GUCY2D: variants seen among roughly 807,000 people sequenced by gnomAD.
GUCY2D encodes retinal guanylyl cyclase 1.
A neutral mutation model predicts 101.3 loss-of-function variants in GUCY2D; 70 were observed. The observed-to-expected ratio is 0.69, with a 90% confidence interval of 0.57 to 0.84. The LOEUF (loss-of-function observed/expected upper bound fraction) is 0.84. GUCY2D is among the 40% of genes least tolerant of loss of function. The probability of loss-of-function intolerance (pLI) is 0.00; values close to 1 mark genes in which losing one functional copy is unlikely to be tolerated. For synonymous variants in GUCY2D, 688 were observed against 670.7 expected, an observed-to-expected ratio of 1.03 and a Z score of -0.40; for missense variants, 1,460 against 1,542.5, an observed-to-expected ratio of 0.95 and a Z score of 0.90.
chr17:8,006,039 T>G (rs1369727440), intron 3 of GUCY2D, among the ~76,000 whole-genome samples: 1 of 151,510 alleles, frequency 6.6e-6, no homozygotes, highest in Non-Finnish European at 1.5e-5. Flanking sequence ...GACCTACAGG[T>G]GATGGAGAAT....
chr17:8,013,074 C>A lies in GUCY2D; in HGVS notation c.2114-29C>A. The A allele has an allele frequency of 6.2e-7, 1 of 1,602,508 alleles. No homozygotes were observed. The highest frequency in any genetic ancestry group is 1.7e-5 in the Admixed American group (1 of 59,872). The stretch of plus-strand genomic sequence containing the variant: ...GGTGAGGGTGGGAGTCTTTCCCCAG[C>A]GGCGCCTCAGCCCCTTCCCCATCCC... On this transcript the variant is annotated intron_variant, in intron 10 of 19. Transcript: ENST00000254854. This position sits in a 1 kb window ranked among gnomAD's most constrained non-coding sequence, Gnocchi z 5.0.
At chr17:8,012,395 G>A (rs772504493) in intron 9 of GUCY2D, 45 bp downstream of exon 9, 1 of 1,611,036 alleles carries the variant, frequency 6.2e-7, no homozygotes, top group Non-Finnish European at 8.5e-7. Flanking sequence ...GGGCAGGGAT[G>A]GGGAGCAAGG....
Position 8,003,504 on chromosome 17 carries a change from C to T in GUCY2D, c.457C>T (p.Pro153Ser). ...GATCGCGCTGGTGCCCTGGGGCTGC[C>T]CCTGGACGCAGGCGGAGGGCACCAC... ...AGIALVPWGC[P>S]WTQAEGTTAP... Residue 153 changes from proline to serine, a missense_variant, in exon 2 of 20, where the codon CCC becomes TCC. Physicochemically the swap from Pro to Ser is moderately conservative, Grantham distance 74 (BLOSUM62 -1). This residue lies in a region of GUCY2D where 1,196 missense variants were observed against 1,229.6 expected (regional missense o/e 0.97). Coordinates refer to ENST00000254854, the MANE Select transcript of GUCY2D (RefSeq NM_000180.4). The T allele has an allele frequency of 6.5e-7, 1 of 1,532,138 alleles. No homozygotes were observed. Among genetic ancestry groups the T allele is most frequent in the African/African-American group, 1.4e-5 (1 of 72,730 alleles). The allele number at this position is 1,532,138 out of a possible 1,614,324, so 94.9% of individuals were successfully genotyped here.
At position 8,013,818 on chromosome 17, in the gene GUCY2D, G is replaced by A; in HGVS notation, c.2264-62G>A. 1 of 1,474,076 alleles carries A rather than the reference G, an allele frequency of 6.8e-7. No individual in the cohort carries two copies. The highest frequency in any genetic ancestry group is 9.5e-7 in the Non-Finnish European group (1 of 1,054,656). The allele number at this position is 1,474,076 out of a possible 1,614,324, so 91.3% of individuals were successfully genotyped here. On this transcript the variant is annotated intron_variant, in intron 11 of 19. Transcript: ENST00000254854. The surrounding 1 kb of genome is among the most constrained non-coding windows in gnomAD (Gnocchi z 5.0). ...ATCTTGGTCTTCAACAGTCAGGCCAGGGTCAGAGGCAGCCTTTGTGTTCTG... is the reference window on the plus strand; with the variant it reads ...ATCTTGGTCTTCAACAGTCAGGCCAAGGTCAGAGGCAGCCTTTGTGTTCTG...
At position 8,013,020 on chromosome 17, in the gene GUCY2D, TG is replaced by T; in HGVS notation, c.2114-81del. On this transcript the variant is annotated intron_variant, in intron 10 of 19. Coordinates refer to ENST00000254854, the MANE Select transcript of GUCY2D (RefSeq NM_000180.4). This position sits in a 1 kb window ranked among gnomAD's most constrained non-coding sequence, Gnocchi z 5.0. ...GACCGGTCTCAGGCTGCAGGGTTGG[TG>T]GTGTCTGGGTGCCAACCTGGGCTTT... 7.7e-7 allele frequency: 1 copy of T among 1,296,426 alleles called. No homozygotes were observed. The highest frequency in any genetic ancestry group is 1.3e-5 in the South Asian group (1 of 79,434). 80.3% of individuals were successfully genotyped at this position (1,296,426 alleles called of 1,614,324 possible).
At position 8,014,218 on chromosome 17, in the gene GUCY2D, T is replaced by C. The variant is rs1052601603; in HGVS notation, c.2412+190T>C. The C allele has an allele frequency of 3.1e-6, 2 of 649,626 alleles. No homozygotes were observed. Among genetic ancestry groups the C allele is most frequent in the African/African-American group, 3.6e-5 (2 of 54,962 alleles). 40.2% of individuals were successfully genotyped at this position (649,626 alleles called of 1,614,324 possible). On this transcript the variant is annotated intron_variant, in intron 12 of 19. Transcript: ENST00000254854. This position sits in a 1 kb window ranked among gnomAD's most constrained non-coding sequence, Gnocchi z 4.0. The stretch of plus-strand genomic sequence containing the variant: ...ATGGGGGCTGTGGAGGCTTTTGGAG[T>C]GGGAGATAGAGTTCTGTCTGGGTGG...
Position 8,007,548 on chromosome 17 carries a change from A to G in GUCY2D, c.1566+20A>G, listed in dbSNP as rs772228903. The stretch of plus-strand genomic sequence containing the variant: ...CGAAAGGTGGGGGAGGCAGAGAGGC[A>G]GGAGCCAGTTGTCTTCTTTCCGTAA... On this transcript the variant is annotated intron_variant, in intron 6 of 19. Transcript: ENST00000254854. The G allele has an allele frequency of 6.9e-7, 1 of 1,453,700 alleles. No individual in the cohort carries two copies. The highest frequency in any genetic ancestry group is 9.7e-7 in the Non-Finnish European group (1 of 1,033,972). The allele number at this position is 1,453,700 out of a possible 1,614,324, so 90.1% of individuals were successfully genotyped here.
chr17:8,003,295 G>A lies in GUCY2D; in HGVS notation c.248G>A (p.Arg83His), dbSNP rs1271710086. The A allele has an allele frequency of 6.7e-7, 1 of 1,490,304 alleles. No individual in the cohort carries two copies. Among genetic ancestry groups the A allele is most frequent in the Admixed American group, 2.2e-5 (1 of 44,496 alleles). 92.3% of individuals were successfully genotyped at this position (1,490,304 alleles called of 1,614,324 possible). The change falls in exon 2 of 20, where the codon CGC becomes CAC. Residue 83 changes from arginine to histidine, a missense_variant. By Grantham distance (29) the Arg-to-His change is conservative. This residue lies in a region of GUCY2D where 1,196 missense variants were observed against 1,229.6 expected (regional missense o/e 0.97). Transcript: ENST00000254854. ...CTGGCCGCCCGCCTGGCCGCCGCCC[G>A]CCTGAACCGCGACCCCGGCCTGGCA... ...PDLAARLAAA[R>H]LNRDPGLAGG...
intron 19 of GUCY2D, among the ~76,000 whole-genome samples, chr17:8,019,378 C>T (rs1976032343): frequency 6.6e-6 from 1 of 152,198 alleles, no homozygotes; most frequent in East Asian, 1.9e-4. Context: ...GGGCTCCTCC[C>T]GGAAGCAGAG....
chr17:8,002,990 G>A lies in GUCY2D; in HGVS notation c.-9-49G>A. The A allele has an allele frequency of 7.1e-7, 1 of 1,414,724 alleles. No homozygotes were observed. Among genetic ancestry groups the A allele is most frequent in the Non-Finnish European group, 9.6e-7 (1 of 1,046,154 alleles). The allele number at this position is 1,414,724 out of a possible 1,614,324, so 87.6% of individuals were successfully genotyped here. A position where few individuals can be genotyped will look rare whatever the true frequency, so the allele number is the denominator to read the frequency against. On this transcript the variant is annotated intron_variant, in intron 1 of 19. Transcript: ENST00000254854. The surrounding 1 kb of genome is among the most constrained non-coding windows in gnomAD (Gnocchi z 4.9). ...ACTCGGGGTTACGGGGAGAACCCTA[G>A]GGGAGGCCGGGGTCTCAGTCGCTCA...
At chr17:8,017,449 G>A (rs1019246396) in intron 19 of GUCY2D, among the ~76,000 whole-genome samples, 2 of 152,166 alleles carry the variant, frequency 1.3e-5, no homozygotes, top group Admixed American at 6.5e-5. Context: ...GCCTGAGGGG[G>A]CAAGGGCTCC....
In GUCY2D at chr17:8,006,455, G is replaced by A. The variant is rs56034424; in HGVS notation, c.1119G>A (p.Val373=). ...EARAAAGGRW[V]SGAAVARHIR... is the part of the protein sequence containing the mutation. ...GGGCTGCCGCAGGTGGCAGATGGGT[G>A]TCCGGAGCAGCTGTGGCCCGCCACA... The change falls in exon 4 of 20, where the codon GTG becomes GTA. Residue 373 remains valine, a synonymous_variant. Transcript: ENST00000254854. The A allele has an allele frequency of 0.021, 33,056 of 1,605,346 alleles. 460 individuals carry two copies. The highest frequency in any genetic ancestry group is 0.058 in the Middle Eastern group (353 of 6,062).
rs1302784606 is a variant in GUCY2D at position 8,013,062 on chromosome 17, G to T, written c.2114-41G>T. ...CCTGGGCTTTCTGGTGAGGGTGGGA[G>T]TCTTTCCCCAGCGGCGCCTCAGCCC... On this transcript the variant is annotated intron_variant, in intron 10 of 19. Coordinates refer to ENST00000254854, the MANE Select transcript of GUCY2D (RefSeq NM_000180.4). The surrounding 1 kb of genome is among the most constrained non-coding windows in gnomAD (Gnocchi z 5.0). The T allele has an allele frequency of 6.3e-7, 1 of 1,596,748 alleles. No homozygotes were observed. Among genetic ancestry groups the T allele is most frequent in the Admixed American group, 1.7e-5 (1 of 59,832 alleles).
chr17:8,003,354 G>A lies in GUCY2D; in HGVS notation c.307G>A (p.Glu103Lys), dbSNP rs61749668. The change falls in exon 2 of 20, where the codon GAG (glutamate) becomes AAG (lysine). Residue 103 changes from glutamate (E) to lysine (K), a missense_variant. By Grantham distance (56) the Glu-to-Lys change is moderately conservative (BLOSUM62 1). Coordinates refer to ENST00000254854, the MANE Select transcript of GUCY2D (RefSeq NM_000180.4). ...CCGCTTCGAGGTAGCGCTGCTGCCCGAGCCTTGCCGGACGCCGGGCTCGCT... is the reference window on the plus strand; with the variant it reads ...CCGCTTCGAGGTAGCGCTGCTGCCCAAGCCTTGCCGGACGCCGGGCTCGCT... ...GPRFEVALLP[E>K]PCRTPGSLGA... 1.7e-4 allele frequency: 257 copies of A among 1,469,548 alleles called. No homozygotes were observed. The highest frequency in any genetic ancestry group is 2.3e-4 in the Non-Finnish European group (254 of 1,117,608). 91.0% of individuals were successfully genotyped at this position (1,469,548 alleles called of 1,614,324 possible).
Position 8,002,713 on chromosome 17 carries a change from G to A in GUCY2D, c.-31G>A. On this transcript the variant is annotated 5_prime_UTR_variant, in exon 1 of 20. Transcript: ENST00000254854. The surrounding 1 kb of genome is among the most constrained non-coding windows in gnomAD (Gnocchi z 4.9). The stretch of plus-strand genomic sequence containing the variant: ...TGTGACCCCTCACCGGGGGCCGTGG[G>A]CCCGAGCCCCCGGACTTCCCTGTAA... 7.5e-6 allele frequency: 1 copy of A among 132,924 alleles called. No homozygotes were observed. Among genetic ancestry groups the A allele is most frequent in the East Asian group, 1.0e-4 (1 of 9,830 alleles). The allele number at this position is 132,924 out of a possible 1,614,324, so 8.2% of individuals were successfully genotyped here. A position where few individuals can be genotyped will look rare whatever the true frequency, so the allele number is the denominator to read the frequency against.
chr17:8,003,804 G>T, intron 2 of GUCY2D, 36 bp downstream of exon 2: 1 of 1,603,254 alleles, frequency 6.2e-7, no homozygotes, highest in African/African-American at 1.3e-5. Flanking sequence ...AGGTCGGCTG[G>T]TCCTGCCGGC....
In GUCY2D at chr17:8,006,679, C is replaced by T. The variant is rs61749679; in HGVS notation, c.1343C>T (p.Ser448Leu). ...GGATCAGCACCCGGACCTGACCCCT[C>T]GTGCTGGTTCGATCCAAACAACATC... Reference protein sequence around the residue: ...RGGSAPGPDPSCWFDPNNICG... With the variant: ...RGGSAPGPDPLCWFDPNNICG... The change falls in exon 4 of 20, where the codon TCG becomes TTG. Residue 448 changes from serine to leucine, a missense_variant. Physicochemically the swap from Ser to Leu is moderately radical, Grantham distance 145. This residue lies in a region of GUCY2D where 1,196 missense variants were observed against 1,229.6 expected (regional missense o/e 0.97). Coordinates refer to ENST00000254854, the MANE Select transcript of GUCY2D (RefSeq NM_000180.4). 2.5e-5 allele frequency: 41 copies of T among 1,610,586 alleles called. No homozygotes were observed. The highest frequency in any genetic ancestry group is 4.0e-5 in the African/African-American group (3 of 74,894).
At chr17:8,017,976 G>T (rs1976008425) in intron 19 of GUCY2D, among the ~76,000 whole-genome samples, 1 of 152,180 alleles carries the variant, frequency 6.6e-6, no homozygotes, top group Non-Finnish European at 1.5e-5. Context: ...TTACAGGTGT[G>T]AGACACCGCG....
Position 8,014,032 on chromosome 17 carries a change from A to C in GUCY2D, c.2412+4A>C, listed in dbSNP as rs951825929. The C allele has an allele frequency of 4.3e-6, 7 of 1,611,798 alleles. No individual in the cohort carries two copies. In the Admixed American group the frequency reaches 1.2e-4, roughly 27 times the overall value. On this transcript the variant is annotated splice_donor_region_variant and intron_variant, in intron 12 of 19. Coordinates refer to ENST00000254854, the MANE Select transcript of GUCY2D (RefSeq NM_000180.4). The surrounding 1 kb of genome is among the most constrained non-coding windows in gnomAD (Gnocchi z 4.0). Reference sequence around the variant, plus strand: ...CATGGACCACACCTTCGACCTGGTCAGGGGCTGGGAGTGGGCAAGGACTGG... The same window carrying C: ...CATGGACCACACCTTCGACCTGGTCCGGGGCTGGGAGTGGGCAAGGACTGG...
Sources: gnomAD v4.1 joint callset for allele counts (sites outside exome capture counted in the v4.1 genomes callset) on GRCh38, gnomAD v4.1.1 for gene constraint, gnomAD v4.1.1 regional missense constraint, Gnocchi (gnomAD v3.1) non-coding constraint, MANE v1.5 for transcripts, NCBI Gene and HGNC (gene_info 2026-07-23, HGNC 2026-07-21) for gene names.